Variants in CMIP observed in about 807,000 individuals in gnomAD.
CMIP encodes the protein C-Maf-inducing protein.
In CMIP, 13 loss-of-function variants were observed where a neutral mutation model predicts 97.3. The observed-to-expected ratio is 0.13, with a 90% CI of 0.09 to 0.21. The LOEUF (loss-of-function observed/expected upper bound fraction) is 0.21. Among genes scored for constraint, CMIP ranks in the 10% least tolerant of loss-of-function variants. The pLI, the probability that CMIP is intolerant of heterozygous loss-of-function variation, is 1.00. For synonymous variants in CMIP, 538 were observed against 436.3 expected (o/e 1.23, Z -2.91); for missense variants, 847 against 1,024.9 (o/e 0.83, Z 2.37).
Position 81,472,450 on chromosome 16 carries a change from G to A in CMIP, c.300+26909G>A, listed in dbSNP as rs139474122. 1.4e-4 allele frequency among the ~76,000 whole-genome samples: 21 copies of A among 152,320 alleles called. 1 individual carries two copies. In the East Asian group the frequency reaches 4.1e-3, roughly 29 times the overall value. On this transcript the variant is annotated intron_variant, in intron 1 of 20. Transcript: ENST00000537098. The stretch of plus-strand genomic sequence containing the variant: ...GTGTGTGGCGTGCCCCATGCGTGGA[G>A]GAGTGGCCCATCTCCCCAGGGGTCC...
chr16:81,694,883 C>A (rs1318726262), intron 13 of CMIP, among the ~76,000 whole-genome samples: 1 of 152,166 alleles, frequency 6.6e-6, no homozygotes, highest in Non-Finnish European at 1.5e-5. Flanking sequence ...AAAGGAGAAA[C>A]GGTGGATATG....
chr16:81,484,171 G>T (rs992681058), intron 1 of CMIP, among the ~76,000 whole-genome samples: 1 of 151,980 alleles, frequency 6.6e-6, no homozygotes, highest in Non-Finnish European at 1.5e-5. Context: ...GTCAGCTCAG[G>T]GGCCCACCAG....
chr16:81,599,690 C>T (rs933218107), intron 1 of CMIP, among the ~76,000 whole-genome samples: 4 of 152,154 alleles, frequency 2.6e-5, no homozygotes, highest in Non-Finnish European at 2.9e-5. Context: ...TGGGGGGTTA[C>T]GAAATTGAAT....
chr16:81,690,505 G>C (rs1905935468), intron 10 of CMIP, among the ~76,000 whole-genome samples: 1 of 152,086 alleles, frequency 6.6e-6, no homozygotes, highest in South Asian at 2.1e-4. Flanking sequence ...CTAGCACTTT[G>C]AGTTATTTAT....
At chr16:81,559,349 TC>T (rs2150869716) in intron 1 of CMIP, among the ~76,000 whole-genome samples, 1 of 152,318 alleles carries the variant, frequency 6.6e-6, no homozygotes, top group African/African-American at 2.4e-5. Context: ...GCCTCATGAT[TC>T]TTTTGTGCCT....
intron 1 of CMIP, among the ~76,000 whole-genome samples, chr16:81,594,677 G>A (rs564298986): frequency 1.6e-4 from 24 of 151,510 alleles, no homozygotes; most frequent in East Asian, 5.9e-4. Flanking sequence ...GCAGTGATGC[G>A]ATCTCGGCTC....
At chr16:81,701,841 G>C in intron 16 of CMIP, 41 bp downstream of exon 16, 1 of 1,609,468 alleles carries the variant, frequency 6.2e-7, no homozygotes, top group Non-Finnish European at 8.5e-7. Flanking sequence ...CTGCCCAGCA[G>C]GCCAGGGGGG....
chr16:81,489,506 C>T (rs536308454), intron 1 of CMIP, among the ~76,000 whole-genome samples: 4 of 152,242 alleles, frequency 2.6e-5, no homozygotes, highest in African/African-American at 9.6e-5. Context: ...TTTGTGAGTC[C>T]CTCTTTCCAA....
At position 81,514,394 on chromosome 16, in the gene CMIP, G is replaced by A. The variant is rs1336630215; in HGVS notation, c.300+68853G>A. ...GGCAGCCCAGTTTGACCTTAGGAAC[G>A]AGGCTAACTTGGGGTGCAGTGGTCA... On this transcript the variant is annotated intron_variant, in intron 1 of 20. Coordinates refer to ENST00000537098, the MANE Select transcript of CMIP (RefSeq NM_198390.3). Among the ~76,000 whole-genome samples the A allele has an allele frequency of 2.0e-5, 3 of 152,306 alleles. No individual in the cohort carries two copies. In the South Asian group the frequency reaches 6.2e-4, roughly 32 times the overall value.
chr16:81,549,892 ATG>A (rs1245394008), intron 1 of CMIP, among the ~76,000 whole-genome samples: 2 of 152,072 alleles, frequency 1.3e-5, no homozygotes, highest in Non-Finnish European at 2.9e-5. Flanking sequence ...GTGTATTTGA[ATG>A]TGTGTGTGCA....
At chr16:81,513,573 A>AT (rs2089854210) in intron 1 of CMIP, among the ~76,000 whole-genome samples, 1 of 151,900 alleles carries the variant, frequency 6.6e-6, no homozygotes, top group African/African-American at 2.4e-5. Flanking sequence ...TGGAGCTGGG[A>AT]TTGTACCTCC....
intron 1 of CMIP, among the ~76,000 whole-genome samples, chr16:81,482,234 G>C (rs2089237413): frequency 6.6e-6 from 1 of 152,086 alleles, no homozygotes; most frequent in South Asian, 2.1e-4. Context: ...ATCATTCAGG[G>C]GCACCTTCCG....
intron 18 of CMIP, 103 bp downstream of exon 18, chr16:81,704,188 C>G: frequency 1.1e-6 from 1 of 894,412 alleles, no homozygotes; most frequent in South Asian, 1.6e-5. Flanking sequence ...TCAGCCTCCT[C>G]CCTGCCCCCT....
chr16:81,600,991 C>T (rs1324923863), intron 1 of CMIP, among the ~76,000 whole-genome samples: 3 of 152,114 alleles, frequency 2.0e-5, no homozygotes, highest in Admixed American at 6.5e-5. Flanking sequence ...GGTGGTGCCA[C>T]GTGGAACCCG....
intron 1 of CMIP, among the ~76,000 whole-genome samples, chr16:81,590,521 G>A (rs968156027): frequency 1.3e-5 from 2 of 152,148 alleles, no homozygotes; most frequent in Non-Finnish European, 2.9e-5. Context: ...AACCCATGTC[G>A]CCCGGCTTCT....
At chr16:81,539,923 C>G (rs2150836961) in intron 1 of CMIP, among the ~76,000 whole-genome samples, 1 of 152,306 alleles carries the variant, frequency 6.6e-6, no homozygotes, top group African/African-American at 2.4e-5. Flanking sequence ...TCTACGTGCT[C>G]CGTGTGTACA....
At chr16:81,649,849 A>G (rs756680621) in intron 3 of CMIP, among the ~76,000 whole-genome samples, 26 of 152,340 alleles carry the variant, frequency 1.7e-4, no homozygotes, top group Middle Eastern at 3.4e-3. Flanking sequence ...AAATTAAACA[A>G]TTCTCTGGGT....
intron 1 of CMIP, among the ~76,000 whole-genome samples, chr16:81,552,692 T>C (rs183967673): frequency 1.4e-4 from 22 of 152,328 alleles, no homozygotes; most frequent in Admixed American, 8.5e-4. Flanking sequence ...TCTTCTGCCA[T>C]GTCAGATGGC....
chr16:81,531,984 G>A (rs2090245485), intron 1 of CMIP, among the ~76,000 whole-genome samples: 1 of 151,814 alleles, frequency 6.6e-6, no homozygotes, highest in Non-Finnish European at 1.5e-5. Flanking sequence ...AAACTGTCCT[G>A]CGATTTGATA....
Sources: allele counts gnomAD v4.1 joint callset (sites outside exome capture counted in the v4.1 genomes callset), GRCh38; gene constraint gnomAD v4.1.1; transcripts MANE v1.5; gene names NCBI Gene and HGNC (gene_info 2026-07-23, HGNC 2026-07-21).